CYP27C1: variants seen among roughly 807,000 people sequenced by gnomAD.
CYP27C1 encodes cytochrome P450 family 27 subfamily C member 1.
CYP27C1 carries 29 observed loss-of-function variants against 40.6 expected under a neutral mutation model. The ratio of observed to expected loss-of-function variants is 0.71; its 90% CI spans 0.53 to 0.97. The LOEUF (loss-of-function observed/expected upper bound fraction) is 0.97. CYP27C1 is among the 50% of genes least tolerant of loss of function. The probability of loss-of-function intolerance (pLI) is 0.00; values close to 1 mark genes in which losing one functional copy is unlikely to be tolerated. For synonymous variants in CYP27C1, 198 were observed against 186.8 expected (o/e 1.06, Z -0.49); for missense variants, 390 against 485.8 (o/e 0.80, Z 1.85).
rs927313893 is a variant in CYP27C1 at position 127,199,475 on chromosome 2, C to A, written c.948G>T (p.Val316=). 5.6e-6 allele frequency: 9 copies of A among 1,614,228 alleles called. No individual in the cohort carries two copies. Among genetic ancestry groups the A allele is most frequent in the Non-Finnish European group, 7.6e-6 (9 of 1,180,050 alleles). The change falls in exon 5 of 9, where the codon GTG becomes GTT. Residue 316 remains valine, a synonymous_variant. Coordinates refer to ENST00000664447, the MANE Select transcript of CYP27C1 (RefSeq NM_001367502.1). The part of the protein sequence containing the change: ...IQYQMDRGRR[V]SGGLLTYLFL... ...AGAGGTATGTGAGAAGTCCCCCGCT[C>A]ACCCTCCGGCCTCGGTCCATTTGGT...
At position 127,204,473 on chromosome 2, in the gene CYP27C1, AAAGAAAGAAAGAAAGGAAGG is replaced by A. The variant is rs1301679399; in HGVS notation, c.474-922_474-903del. On this transcript the variant is annotated intron_variant, in intron 2 of 8. Coordinates refer to ENST00000664447, the MANE Select transcript of CYP27C1 (RefSeq NM_001367502.1). ...GAAAGAAAGAAAGAAAGAAAGAAAG[AAAGAAAGAAAGAAAGGAAGG>A]AAGGAAGGAAGGAAAGAAAGAAGGA... Among the ~76,000 whole-genome samples the A allele has an allele frequency of 1.7e-3, 93 of 56,088 alleles. 2 individuals carry two copies. Among genetic ancestry groups the A allele is most frequent in the African/African-American group, 5.3e-3 (85 of 16,078 alleles). The allele number at this position is 56,088 out of a possible 152,430, so 36.8% of individuals were successfully genotyped here.
At position 127,199,403 on chromosome 2, in the gene CYP27C1, A is replaced by G. The variant is rs1244368858; in HGVS notation, c.1020T>C (p.Thr340=). ...TGTCGACGCCGGCCAGCAGCATCTC[A>G]GTCACGTTGGCGTAGATCTCCTGCA... is the stretch of plus-strand genomic sequence containing the variant. ...LTLQEIYANV[T]EMLLAGVDTT... The change falls in exon 5 of 9, where the codon ACT becomes ACC. Residue 340 remains threonine, a synonymous_variant. Coordinates refer to ENST00000664447, the MANE Select transcript of CYP27C1 (RefSeq NM_001367502.1). 1 of 1,614,118 alleles carries G rather than the reference A, an allele frequency of 6.2e-7. No homozygotes were observed. Among genetic ancestry groups the G allele is most frequent in the South Asian group, 1.1e-5 (1 of 91,080 alleles).
Position 127,203,590 on chromosome 2 carries a change from T to A in CYP27C1, c.474-19A>T. The A allele has an allele frequency of 6.3e-7, 1 of 1,598,682 alleles. No homozygotes were observed. The highest frequency in any genetic ancestry group is 1.2e-5 in the South Asian group (1 of 86,908). On this transcript the variant is annotated intron_variant, in intron 2 of 8. Transcript: ENST00000664447. ...ACCCTCCCTAGAAGAATCAAGTGAGTTTCAAATCATCTTACTTACACTGAC... is the reference window on the plus strand; with the variant it reads ...ACCCTCCCTAGAAGAATCAAGTGAGATTCAAATCATCTTACTTACACTGAC...
chr2:127,191,364 C>A (rs942535019), intron 8 of CYP27C1, among the ~76,000 whole-genome samples: 1 of 152,182 alleles, frequency 6.6e-6, no homozygotes, highest in Non-Finnish European at 1.5e-5. Flanking sequence ...GCAAACAAGA[C>A]CCCATCACGA....
In CYP27C1 at chr2:127,193,110, T is replaced by G; in HGVS notation, c.1481A>C (p.His494Pro). ...ACGCCCTACCTGGATCACGACGAGG[T>G]GAATCTCCAGTTCTGCAATTCTCCG... is the stretch of plus-strand genomic sequence containing the variant. ...IGRRIAELEI[H>P]LVVIQLLQHF... The change falls in exon 8 of 9, where the codon CAC becomes CCC. Residue 494 changes from histidine to proline, a missense_variant. Transcript: ENST00000664447. The G allele has an allele frequency of 6.2e-7, 1 of 1,614,098 alleles. No homozygotes were observed. The highest frequency in any genetic ancestry group is 1.1e-5 in the South Asian group (1 of 91,070).
chr2:127,205,649 C>T (rs1181031622), intron 2 of CYP27C1: 6 of 984,896 alleles, frequency 6.1e-6, no homozygotes, highest in Non-Finnish European at 6.0e-6. Context: ...TTCCGAAGCG[C>T]TCTGCCCACC....
At chr2:127,205,678 C>T (rs957602939) in intron 2 of CYP27C1, 1 of 985,538 alleles carries the variant, frequency 1.0e-6, no homozygotes. Flanking sequence ...AGCGTCGCCC[C>T]TCCTGGCTCC....
rs1352690423 is a variant in CYP27C1, at chr2:127,196,180, A to G, written c.1048-679T>C. On this transcript the variant is annotated intron_variant, in intron 5 of 8. Transcript: ENST00000664447. The surrounding 1 kb of genome is among the most constrained non-coding windows in gnomAD (Gnocchi z 4.5). ...CGGGTTCATGCCATTCTCCTGCCTC[A>G]GCCTCCCGAGTAGCTGGGACTACAG... Among the ~76,000 whole-genome samples the G allele has an allele frequency of 6.6e-6, 1 of 151,464 alleles. No homozygotes were observed. Among genetic ancestry groups the G allele is most frequent in the African/African-American group, 2.4e-5 (1 of 41,174 alleles).
At position 127,204,547 on chromosome 2, in the gene CYP27C1, G is replaced by GAGAGAGAGAGAGAAAGAAAGAAAGAA. The variant is rs1683161920; in HGVS notation, c.474-977_474-976insTTCTTTCTTTCTTTCTCTCTCTCTCT. 3.1e-5 allele frequency among the ~76,000 whole-genome samples: 2 copies of GAGAGAGAGAGAGAAAGAAAGAAAGAA among 64,806 alleles called. 1 individual carries two copies. The highest frequency in any genetic ancestry group is 1.3e-4 in the African/African-American group (2 of 15,908). The allele number at this position is 64,806 out of a possible 152,430, so 42.5% of individuals were successfully genotyped here. ...AAAGAAAGAAAGAAAGAGAGAGAGA[G>GAGAGAGAGAGAGAAAGAAAGAAAGAA]AGAGAGAGAGAAAGAAAGAAAGAAA... On this transcript the variant is annotated intron_variant, in intron 2 of 8. Transcript: ENST00000664447.
rs1322502112 is a variant in CYP27C1 at position 127,201,252 on chromosome 2, C to T, written c.753G>A (p.Glu251=). The T allele has an allele frequency of 6.2e-7, 1 of 1,614,146 alleles. No individual in the cohort carries two copies. The highest frequency in any genetic ancestry group is 8.5e-7 in the Non-Finnish European group (1 of 1,180,036). ...ACATGCTAAACATGAGCTCCAGGGC[C>T]TCGATGTATTCCACAGTCAGCTGTG... is the stretch of plus-strand genomic sequence containing the variant. ...SIPQLTVEYI[E]ALELMFSMFK... Residue 251 remains glutamate (E), a synonymous_variant, in exon 4 of 9, where the codon GAG becomes GAA. Coordinates refer to ENST00000664447, the MANE Select transcript of CYP27C1 (RefSeq NM_001367502.1). This position sits in a 1 kb window ranked among gnomAD's most constrained non-coding sequence, Gnocchi z 6.0.
chr2:127,204,394 AAGAG>A (rs199875635), intron 2 of CYP27C1, among the ~76,000 whole-genome samples: 11,783 of 111,944 alleles, frequency 0.11, 1,873 homozygotes, highest in South Asian at 0.18. Context: ...AAAGAAAAGA[AAGAG>A]AGAGAGAAAG....
At chr2:127,203,267 AC>A in intron 3 of CYP27C1, 104 bp downstream of exon 3, 1 of 1,323,602 alleles carries the variant, frequency 7.6e-7, no homozygotes, top group Non-Finnish European at 1.0e-6. Context: ...TATGTCCCAG[AC>A]TTAGCACACT....
In CYP27C1 at chr2:127,186,645, C is replaced by T. The variant is rs1290202215; in HGVS notation, c.*626G>A. The T allele has an allele frequency of 1.3e-5, 2 of 152,234 alleles. No homozygotes were observed. Among genetic ancestry groups the T allele is most frequent in the Non-Finnish European group, 2.9e-5 (2 of 68,124 alleles). The allele number at this position is 152,234 out of a possible 1,614,324, so 9.4% of individuals were successfully genotyped here. On this transcript the variant is annotated 3_prime_UTR_variant, in exon 9 of 9. Coordinates refer to ENST00000664447, the MANE Select transcript of CYP27C1 (RefSeq NM_001367502.1). This position sits in a 1 kb window ranked among gnomAD's most constrained non-coding sequence, Gnocchi z 4.5. ...TCGAACTTCTGGCTCAAGCAATCCT[C>T]CCACCTTGACCTCCCAAAGTGCTGG...
intron 8 of CYP27C1, among the ~76,000 whole-genome samples, chr2:127,191,193 G>A (rs1174417777): frequency 2.6e-5 from 4 of 151,996 alleles, no homozygotes; most frequent in Non-Finnish European, 4.4e-5. Context: ...GTTGCAGTGA[G>A]CCGATTGCAC....
rs544212552 is a variant in CYP27C1, at chr2:127,211,350, G to A, written c.283-5260C>T. On this transcript the variant is annotated intron_variant, in intron 1 of 8. Transcript: ENST00000664447. Reference sequence around the variant, plus strand: ...AACGTACCAGAATCTCTGGGATACAGCTAAAGCAGTGTTTTTTTGTTTTTT... The same window carrying A: ...AACGTACCAGAATCTCTGGGATACAACTAAAGCAGTGTTTTTTTGTTTTTT... Among the ~76,000 whole-genome samples, 36 of 145,912 alleles carry A rather than the reference G, an allele frequency of 2.5e-4. 1 individual carries two copies. Among genetic ancestry groups the A allele is most frequent in the African/African-American group, 8.7e-4 (34 of 39,160 alleles).
rs1682643000 is a variant in CYP27C1 at position 127,187,166 on chromosome 2, C to A, written c.*105G>T. ...GGAGGCCAGTCTATAACAAGACAGC[C>A]TTTAGCGACATCGCTTTCCTTCTCC... On this transcript the variant is annotated 3_prime_UTR_variant, in exon 9 of 9. Transcript: ENST00000664447. 7.5e-6 allele frequency: 7 copies of A among 936,284 alleles called. No individual in the cohort carries two copies. In the South Asian group the frequency reaches 1.0e-4, roughly 14 times the overall value. 58.0% of individuals were successfully genotyped at this position (936,284 alleles called of 1,614,324 possible).
At chr2:127,199,259 C>A (rs1368187342) in intron 5 of CYP27C1, 117 bp downstream of exon 5, 2 of 1,367,334 alleles carry the variant, frequency 1.5e-6, no homozygotes, top group East Asian at 4.8e-5. Context: ...TGCACTCCAG[C>A]CTGGGCAATA....
In CYP27C1 at chr2:127,200,140, C is replaced by T. The variant is rs1274800860; in HGVS notation, c.884-601G>A. Among the ~76,000 whole-genome samples, 1 of 152,178 alleles carries T rather than the reference C, an allele frequency of 6.6e-6. No individual in the cohort carries two copies. The highest frequency in any genetic ancestry group is 1.9e-4 in the East Asian group (1 of 5,190). ...AATTACAGGCACGCGCCACCACGCCCAGCTAATTTTTGTATTTTTAGTAGA... is the reference window on the plus strand; with the variant it reads ...AATTACAGGCACGCGCCACCACGCCTAGCTAATTTTTGTATTTTTAGTAGA... On this transcript the variant is annotated intron_variant, in intron 4 of 8. Transcript: ENST00000664447. The surrounding 1 kb of genome is among the most constrained non-coding windows in gnomAD (Gnocchi z 4.2).
intron 1 of CYP27C1, among the ~76,000 whole-genome samples, chr2:127,215,062 GA>G (rs1395013602): frequency 2.6e-5 from 4 of 150,978 alleles, no homozygotes; most frequent in African/African-American, 9.7e-5. Flanking sequence ...CCGGGAGGCG[GA>G]GCTTGCAGTG....
Sources: allele counts gnomAD v4.1 joint callset (sites outside exome capture counted in the v4.1 genomes callset), GRCh38; gene constraint gnomAD v4.1.1; non-coding constraint Gnocchi (gnomAD v3.1); transcripts MANE v1.5; gene names NCBI Gene and HGNC (gene_info 2026-07-23, HGNC 2026-07-21).